Variants in SVIL observed in about 807,000 individuals in gnomAD.
SVIL encodes supervillin, also known as archvillin.
Under a neutral mutation model 240.4 loss-of-function variants are expected in SVIL, and 101 were observed. The ratio of observed to expected loss-of-function variants is 0.42; its 90% CI spans 0.36 to 0.50. The LOEUF is 0.50. SVIL is among the 20% of genes least tolerant of loss of function. The pLI is 0.01. For missense variants in SVIL, 2,512 were observed against 2,818.7 expected, an observed-to-expected ratio of 0.89 and a Z score of 2.46; for synonymous variants, 999 against 1,100.0, an observed-to-expected ratio of 0.91 and a Z score of 1.82.
intron 2 of SVIL, among the ~76,000 whole-genome samples, chr10:29,661,541 G>A (rs552957442): frequency 3.0e-4 from 46 of 152,248 alleles, no homozygotes; most frequent in African/African-American, 1.0e-3. Context: ...TCTTCTCTCC[G>A]GGGCTCTCTT....
chr10:29,572,776 A>AAAAAAG (rs1564659691), intron 1 of SVIL, among the ~76,000 whole-genome samples: 1 of 150,192 alleles, frequency 6.7e-6, no homozygotes, highest in South Asian at 2.1e-4. Flanking sequence ...AAAAAAAAAA[A>AAAAAAG]AAAAAGAAAA....
intron 3 of SVIL, among the ~76,000 whole-genome samples, chr10:29,557,885 C>T (rs940499923): frequency 6.6e-6 from 1 of 152,098 alleles, no homozygotes; most frequent in Non-Finnish European, 1.5e-5. Flanking sequence ...TGGAGAGCTC[C>T]CAGATCACTA....
chr10:29,643,955 G>C (rs754347509), intron 3 of SVIL: 2 of 517,268 alleles, frequency 3.9e-6, no homozygotes, highest in East Asian at 5.5e-5. Flanking sequence ...TGGCTCCAGA[G>C]ACCCAGCCTC....
intron 1 of SVIL, among the ~76,000 whole-genome samples, chr10:29,597,649 C>T (rs527322959): frequency 3.9e-5 from 6 of 152,126 alleles, no homozygotes; most frequent in East Asian, 3.9e-4. Flanking sequence ...ATCCACCAGC[C>T]GCGGCCTCCC....
chr10:29,687,916 C>G (rs1961208672), intron 1 of SVIL, among the ~76,000 whole-genome samples: 1 of 152,068 alleles, frequency 6.6e-6, no homozygotes, highest in Admixed American at 6.5e-5. Context: ...TCACAAGTTA[C>G]TCCCAGTTTC....
chr10:29,530,810 T>G (rs765730598), intron 10 of SVIL, 142 bp from the exon 11 acceptor site: 16 of 914,624 alleles, frequency 1.7e-5, no homozygotes, highest in Non-Finnish European at 2.5e-5. Context: ...AGTTTCCCCT[T>G]GCAGGGAGCC....
At chr10:29,483,252 G>C (rs541132665) in intron 27 of SVIL, 1 of 152,196 alleles carries the variant, frequency 6.6e-6, no homozygotes, top group Non-Finnish European at 1.5e-5. Context: ...GTGAGCAAGC[G>C]ATGTGGCAGA....
At chr10:29,459,779 A>G (rs376615930) in intron 36 of SVIL, among the ~76,000 whole-genome samples, 5 of 152,194 alleles carry the variant, frequency 3.3e-5, no homozygotes, top group Admixed American at 2.0e-4. Flanking sequence ...AAATACATGG[A>G]ACAGACTGGT....
At chr10:29,706,299 C>A (rs1459205064) in intron 1 of SVIL, among the ~76,000 whole-genome samples, 8 of 152,232 alleles carry the variant, frequency 5.3e-5, no homozygotes, top group Non-Finnish European at 1.5e-5. Flanking sequence ...ATTCCTATTT[C>A]TCCACATCCT....
chr10:29,605,787 G>A (rs1956998947), intron 1 of SVIL, among the ~76,000 whole-genome samples: 1 of 150,474 alleles, frequency 6.6e-6, no homozygotes, highest in Non-Finnish European at 1.5e-5. Flanking sequence ...TTTGTGTAGA[G>A]AGAGATAGTT....
intron 1 of SVIL, among the ~76,000 whole-genome samples, chr10:29,628,970 G>A (rs1011117526): frequency 7.2e-5 from 11 of 152,096 alleles, no homozygotes; most frequent in African/African-American, 2.2e-4. Flanking sequence ...GGATTCTCAC[G>A]GAGAGGGGTT....
At chr10:29,714,628 T>C (rs1963503526) in intron 1 of SVIL, among the ~76,000 whole-genome samples, 1 of 151,884 alleles carries the variant, frequency 6.6e-6, no homozygotes, top group African/African-American at 2.4e-5. Flanking sequence ...AGCAAGAGTT[T>C]TGGAGATAAA....
chr10:29,725,666 G>T (rs1469740917), intron 1 of SVIL, among the ~76,000 whole-genome samples: 1 of 152,186 alleles, frequency 6.6e-6, no homozygotes, highest in African/African-American at 2.4e-5. Context: ...TGCTGGTTGC[G>T]ATGCACAGCA....
intron 17 of SVIL, among the ~76,000 whole-genome samples, chr10:29,502,269 G>T (rs954322447): frequency 5.9e-5 from 9 of 152,182 alleles, no homozygotes; most frequent in Admixed American, 2.0e-4. Flanking sequence ...CTAGAAGGGT[G>T]TAAAGCATAT....
chr10:29,664,678 A>G, intron 2 of SVIL, among the ~76,000 whole-genome samples: 1 of 139,644 alleles, frequency 7.2e-6, no homozygotes, highest in Admixed American at 6.9e-5. Context: ...TCGTAATTTT[A>G]TATATATATA....
chr10:29,488,449 A>T (rs965733789), intron 23 of SVIL, 152 bp downstream of exon 23: 3 of 870,412 alleles, frequency 3.4e-6, no homozygotes, highest in African/African-American at 3.6e-5. Context: ...CTTGAGAGAC[A>T]GGAGGTTGCA....
rs554433280 is a variant in SVIL, at chr10:29,529,569, T to G, written c.2246+136A>C. The G allele has an allele frequency of 5.0e-6, 5 of 1,006,412 alleles. No individual in the cohort carries two copies. The African/African-American group carries it at 8.4e-5, about 17-fold the overall frequency. 62.3% of individuals were successfully genotyped at this position (1,006,412 alleles called of 1,614,324 possible). A position where few individuals can be genotyped will look rare whatever the true frequency, so the allele number is the denominator to read the frequency against. ...TTTAGAGAGACCACAGTAAACAAAATCCCTTAGTACTAACTTCTCTGTGGC... is the reference window on the plus strand; with the variant it reads ...TTTAGAGAGACCACAGTAAACAAAAGCCCTTAGTACTAACTTCTCTGTGGC... On this transcript the variant is annotated intron_variant, in intron 12 of 37. Coordinates refer to ENST00000355867, the MANE Select transcript of SVIL (RefSeq NM_021738.3).
chr10:29,590,270 GT>G lies in SVIL; in HGVS notation c.-200-20959del, dbSNP rs1432064749. 4.0e-5 allele frequency among the ~76,000 whole-genome samples: 6 copies of G among 148,994 alleles called. No individual in the cohort carries two copies. The East Asian group carries it at 1.2e-3, about 30-fold the overall frequency. ...TAATAAAGATATTACCAGACCTCCT[GT>G]CCCGTGGCTCCCCAATTAAGTAAGG... On this transcript the variant is annotated intron_variant, in intron 1 of 37. Transcript: ENST00000355867.
intron 29 of SVIL, among the ~76,000 whole-genome samples, chr10:29,478,922 CTCA>C (rs1274905509): frequency 3.4e-5 from 2 of 58,694 alleles, no homozygotes; most frequent in Non-Finnish European, 5.7e-5. Context: ...GAAACCCTGT[CTCA>C]AAAAAAAAAA....
Sources: allele counts gnomAD v4.1 joint callset (sites outside exome capture counted in the v4.1 genomes callset), GRCh38; gene constraint gnomAD v4.1.1; transcripts MANE v1.5; gene names NCBI Gene and HGNC (gene_info 2026-07-23, HGNC 2026-07-21).